SVEP1: variants seen among roughly 807,000 people sequenced by gnomAD.
SVEP1 encodes the protein sushi, von Willebrand factor type A, EGF and pentraxin domain-containing protein 1.
In SVEP1, 164 loss-of-function variants were observed where a neutral mutation model predicts 367.3. That is an observed-to-expected ratio of 0.45 (90% CI 0.39 to 0.51). SVEP1 has a LOEUF of 0.51. Among genes scored for constraint, SVEP1 ranks in the 20% least tolerant of loss-of-function variants. The probability of loss-of-function intolerance (pLI) is 0.00; values close to 1 mark genes in which losing one functional copy is unlikely to be tolerated. For synonymous variants in SVEP1, 1,666 were observed against 1,611.6 expected (o/e 1.03, Z -0.81); for missense variants, 4,117 against 4,425.3 (o/e 0.93, Z 1.98).
chr9:110,558,052 T>C (rs1022968276), intron 1 of SVEP1, among the ~76,000 whole-genome samples: 62 of 152,226 alleles, frequency 4.1e-4, no homozygotes, highest in Admixed American at 3.9e-4. Flanking sequence ...CTAGTGGCTA[T>C]AATATGGGAC....
At chr9:110,545,511 G>A (rs1830209170) in intron 3 of SVEP1, among the ~76,000 whole-genome samples, 1 of 152,056 alleles carries the variant, frequency 6.6e-6, no homozygotes, top group Non-Finnish European at 1.5e-5. Flanking sequence ...ATGCACTTTT[G>A]TGGAGGCTCC....
At chr9:110,483,140 C>T (rs951840406) in intron 10 of SVEP1, among the ~76,000 whole-genome samples, 1 of 152,102 alleles carries the variant, frequency 6.6e-6, no homozygotes, top group Non-Finnish European at 1.5e-5. Context: ...TCTACTGAAA[C>T]CCTTAAAATA....
intron 18 of SVEP1, among the ~76,000 whole-genome samples, chr9:110,461,059 A>T (rs1828850814): frequency 6.6e-6 from 1 of 151,980 alleles, no homozygotes. Context: ...TTTCACTGTC[A>T]TTTGTGTTAG....
intron 6 of SVEP1, among the ~76,000 whole-genome samples, chr9:110,502,789 G>C (rs77133716): frequency 2.6e-4 from 40 of 152,222 alleles, no homozygotes; most frequent in Admixed American, 1.6e-3. Flanking sequence ...AAGAAAAAAG[G>C]CATGGTCATT....
At chr9:110,441,214 A>C (rs1828505169) in intron 27 of SVEP1, among the ~76,000 whole-genome samples, 1 of 152,254 alleles carries the variant, frequency 6.6e-6, no homozygotes, top group Non-Finnish European at 1.5e-5. Context: ...GATTTCATCA[A>C]AATTATCTTA....
intron 5 of SVEP1, among the ~76,000 whole-genome samples, chr9:110,509,095 A>G (rs374041688): frequency 6.6e-6 from 1 of 152,294 alleles, no homozygotes; most frequent in South Asian, 2.1e-4. Context: ...ATCCTACCCA[A>G]CGGCCATATT....
intron 47 of SVEP1, among the ~76,000 whole-genome samples, chr9:110,367,884 T>A (rs10759425): frequency 1.3e-5 from 2 of 152,032 alleles, no homozygotes; most frequent in African/African-American, 4.8e-5. Flanking sequence ...AGTTCGAGAC[T>A]AGCCTGGCCA....
At chr9:110,432,274 C>T (rs992782627) in intron 31 of SVEP1, among the ~76,000 whole-genome samples, 188 bp downstream of exon 31, 1 of 152,036 alleles carries the variant, frequency 6.6e-6, no homozygotes, top group African/African-American at 2.4e-5. Flanking sequence ...TAATATGGAG[C>T]CTGATAAAAA....
chr9:110,405,823 A>C (rs1436956039), intron 38 of SVEP1, among the ~76,000 whole-genome samples: 1 of 152,216 alleles, frequency 6.6e-6, no homozygotes, highest in Non-Finnish European at 1.5e-5. Context: ...AATCATAAAG[A>C]AATTTACTAT....
Position 110,555,960 on chromosome 9 carries a change from A to G in SVEP1, c.532-5856T>C, listed in dbSNP as rs190785644. ...AGGCCAGCACTTGATTCTCTTTTCAATGTTCCTGAAATAGTTTACATCATC... is the reference window on the plus strand; with the variant it reads ...AGGCCAGCACTTGATTCTCTTTTCAGTGTTCCTGAAATAGTTTACATCATC... On this transcript the variant is annotated intron_variant, in intron 1 of 47. Coordinates refer to ENST00000374469, the MANE Select transcript of SVEP1 (RefSeq NM_153366.4). Among the ~76,000 whole-genome samples the G allele has an allele frequency of 2.5e-3, 386 of 152,352 alleles. 7 individuals are homozygous for G. Among genetic ancestry groups the G allele is most frequent in the African/African-American group, 8.9e-3 (369 of 41,588 alleles).
intron 47 of SVEP1, 82 bp downstream of exon 47, chr9:110,369,841 A>G: frequency 2.7e-6 from 3 of 1,122,382 alleles, no homozygotes; most frequent in Non-Finnish European, 3.8e-6. Context: ...CTAGACAGAG[A>G]TAACTTCTGG....
chr9:110,423,168 TAAAAAAA>T, intron 36 of SVEP1, among the ~76,000 whole-genome samples: 1 of 103,650 alleles, frequency 9.6e-6, no homozygotes, highest in Non-Finnish European at 2.0e-5. Flanking sequence ...AAAAATAAAG[TAAAAAAA>T]AAAAAAAAGA....
rs948035795 is a variant in SVEP1 at position 110,404,247 on chromosome 9, G to T, written c.9666+80C>A. 113 of 1,326,640 alleles carry T rather than the reference G, an allele frequency of 8.5e-5. 1 individual carries two copies. In the African/African-American group the frequency reaches 1.2e-3, roughly 15 times the overall value. 82.2% of individuals were successfully genotyped at this position (1,326,640 alleles called of 1,614,324 possible). ...ACTTCAGACTTTTTTTTCTTTTTGG[G>T]ATTACTATTATAGATACTGCTTGCT... On this transcript the variant is annotated intron_variant, in intron 39 of 47. Coordinates refer to ENST00000374469, the MANE Select transcript of SVEP1 (RefSeq NM_153366.4).
intron 27 of SVEP1, among the ~76,000 whole-genome samples, chr9:110,438,799 G>C (rs1365142207): frequency 6.6e-6 from 1 of 152,128 alleles, no homozygotes; most frequent in East Asian, 1.9e-4. Flanking sequence ...ATACTTGCCA[G>C]CGCTCTATAC....
chr9:110,472,791 T>G (rs930917772), intron 14 of SVEP1, among the ~76,000 whole-genome samples: 1 of 152,168 alleles, frequency 6.6e-6, no homozygotes, highest in Non-Finnish European at 1.5e-5. Flanking sequence ...TCATCATATT[T>G]TAAAGGTAAG....
chr9:110,391,279 T>G lies in SVEP1; in HGVS notation c.9823-1692A>C, dbSNP rs1468823875. Among the ~76,000 whole-genome samples, 14 of 151,432 alleles carry G rather than the reference T, an allele frequency of 9.2e-5. No homozygotes were observed. In the South Asian group the frequency reaches 2.7e-3, roughly 29 times the overall value. On this transcript the variant is annotated intron_variant, in intron 40 of 47. Coordinates refer to ENST00000374469, the MANE Select transcript of SVEP1 (RefSeq NM_153366.4). Reference sequence around the variant, plus strand: ...GGGTCATTACTTTTTGTCTTTTTTTTTTTTTTTTTGAGACAGAGTTTTGCT... The same window carrying G: ...GGGTCATTACTTTTTGTCTTTTTTTGTTTTTTTTTGAGACAGAGTTTTGCT...
intron 36 of SVEP1, among the ~76,000 whole-genome samples, chr9:110,424,490 C>T (rs1326274583): frequency 6.6e-6 from 1 of 151,706 alleles, no homozygotes; most frequent in Non-Finnish European, 1.5e-5. Flanking sequence ...GACAAATATC[C>T]ATGTTTGTTA....
chr9:110,554,736 G>T (rs919800699), intron 1 of SVEP1, among the ~76,000 whole-genome samples: 7 of 151,922 alleles, frequency 4.6e-5, no homozygotes, highest in Non-Finnish European at 7.4e-5. Flanking sequence ...GCGTGTGTGT[G>T]TGTGTGTGTG....
chr9:110,579,634 G>C lies in SVEP1; in HGVS notation c.-91C>G. ...CGGCCGGACTCGCAGAGGGGCGTGCGCGGAGCTGGGCGCGGGGCAGCGGCC... is the reference window on the plus strand; with the variant it reads ...CGGCCGGACTCGCAGAGGGGCGTGCCCGGAGCTGGGCGCGGGGCAGCGGCC... On this transcript the variant is annotated 5_prime_UTR_variant, in exon 1 of 48. Transcript: ENST00000374469. This position sits in a 1 kb window ranked among gnomAD's most constrained non-coding sequence, Gnocchi z 5.3. 1.4e-6 allele frequency: 2 copies of C among 1,388,694 alleles called. No homozygotes were observed. Among genetic ancestry groups the C allele is most frequent in the Non-Finnish European group, 1.9e-6 (2 of 1,070,620 alleles). The allele number at this position is 1,388,694 out of a possible 1,614,324, so 86.0% of individuals were successfully genotyped here.
Sources: gnomAD v4.1 joint callset for allele counts (sites outside exome capture counted in the v4.1 genomes callset) on GRCh38, gnomAD v4.1.1 for gene constraint, Gnocchi (gnomAD v3.1) non-coding constraint, MANE v1.5 for transcripts, NCBI Gene and HGNC (gene_info 2026-07-23, HGNC 2026-07-21) for gene names.